QKI: variants seen among roughly 807,000 people sequenced by gnomAD.
The protein encoded by QKI is KH domain-containing RNA-binding protein QKI.
A neutral mutation model predicts 39.0 loss-of-function variants in QKI; 10 were observed. The observed-to-expected ratio is 0.26, with a 90% CI of 0.16 to 0.43. The LOEUF (loss-of-function observed/expected upper bound fraction) is 0.43. QKI is among the 20% of genes least tolerant of loss of function. QKI has a pLI of 1.00. For synonymous variants in QKI, 204 were observed against 155.4 expected (o/e 1.31, Z -2.33); for missense variants, 218 against 428.0 (o/e 0.51, Z 4.33).
intron 1 of QKI, among the ~76,000 whole-genome samples, chr6:163,432,398 C>CCT (rs1554257935): frequency 5.6e-5 from 8 of 143,982 alleles, no homozygotes; most frequent in South Asian, 4.4e-4. Context: ...AATCCCCCCC[C>CCT]TTTTTTTTTT....
intron 1 of QKI, among the ~76,000 whole-genome samples, chr6:163,444,791 G>A (rs963740635): frequency 2.0e-5 from 3 of 152,014 alleles, no homozygotes; most frequent in African/African-American, 7.2e-5. Flanking sequence ...CATTTTGAGT[G>A]ATTTTTTTCC....
chr6:163,465,955 C>G (rs1373402712), intron 2 of QKI, among the ~76,000 whole-genome samples: 1 of 151,636 alleles, frequency 6.6e-6, no homozygotes, highest in African/African-American at 2.4e-5. Context: ...GAAACCCTGT[C>G]TCTACAAAAA....
intron 3 of QKI, among the ~76,000 whole-genome samples, chr6:163,508,520 CTTTCTTTCTTTCTTTTT>C (rs767831632): frequency 7.2e-5 from 10 of 139,326 alleles, no homozygotes; most frequent in East Asian, 2.1e-4. Flanking sequence ...TTCTTTCTTT[CTTTCTTTCTTTCTTTTT>C]TTTTTTTTTA....
chr6:163,416,653 G>A (rs1032153444), intron 1 of QKI, among the ~76,000 whole-genome samples: 1 of 152,184 alleles, frequency 6.6e-6, no homozygotes, highest in East Asian at 1.9e-4. Context: ...AATCCCAGGA[G>A]TTCTGTTGTC....
Position 163,553,882 on chromosome 6 carries a change from T to A in QKI, c.547-8100T>A, listed in dbSNP as rs183899784. Among the ~76,000 whole-genome samples, 1,113 of 152,306 alleles carry A rather than the reference T, an allele frequency of 7.3e-3. 12 individuals carry two copies. Among genetic ancestry groups the A allele is most frequent in the African/African-American group, 0.026 (1,065 of 41,564 alleles). ...TGTGTTTGAGTGTTTTAAGCTTTTC[T>A]GGTTAAATAAAGTGCCTGACACTTT... On this transcript the variant is annotated intron_variant, in intron 4 of 7. Coordinates refer to ENST00000361752, the MANE Select transcript of QKI (RefSeq NM_006775.3).
chr6:163,477,014 TGTTTTG>T (rs1562470434), intron 2 of QKI, among the ~76,000 whole-genome samples: 1 of 74,290 alleles, frequency 1.3e-5, no homozygotes, highest in Non-Finnish European at 2.3e-5. Context: ...TGTTTTGTTT[TGTTTTG>T]TTTTTTTTTT....
At chr6:163,483,950 C>T (rs1270971943) in intron 3 of QKI, among the ~76,000 whole-genome samples, 1 of 152,176 alleles carries the variant, frequency 6.6e-6, no homozygotes, top group African/African-American at 2.4e-5. Flanking sequence ...CTAAATTACT[C>T]CTTGATCCAT....
chr6:163,566,675 T>C (rs767144202), intron 6 of QKI, 46 bp from the exon 7 acceptor site: 30 of 1,605,534 alleles, frequency 1.9e-5, no homozygotes, highest in Non-Finnish European at 2.5e-5. Context: ...TTTTCCCCCC[T>C]TGTGAATGTT....
At chr6:163,476,277 G>GT (rs778589025) in intron 2 of QKI, among the ~76,000 whole-genome samples, 9,362 of 136,552 alleles carry the variant, frequency 0.069, 884 homozygotes, top group African/African-American at 0.22. Flanking sequence ...ATGTACTAAA[G>GT]TTTTTTTTTT....
At chr6:163,548,480 T>A (rs1782027075) in intron 4 of QKI, among the ~76,000 whole-genome samples, 1 of 152,226 alleles carries the variant, frequency 6.6e-6, no homozygotes, top group Non-Finnish European at 1.5e-5. Flanking sequence ...TATATATGTG[T>A]GATGGTCATA....
At chr6:163,512,012 A>G (rs1779513580) in intron 3 of QKI, among the ~76,000 whole-genome samples, 3 of 152,090 alleles carry the variant, frequency 2.0e-5, no homozygotes, top group African/African-American at 4.8e-5. Flanking sequence ...CAAGAGAGGT[A>G]TATTTTGAGA....
chr6:163,468,004 A>G (rs1477907626), intron 2 of QKI, among the ~76,000 whole-genome samples: 1 of 152,200 alleles, frequency 6.6e-6, no homozygotes, highest in Non-Finnish European at 1.5e-5. Flanking sequence ...TTTTTAATTA[A>G]AAACAGTTGT....
At chr6:163,544,676 A>ATGGTC (rs1781758209) in intron 4 of QKI, among the ~76,000 whole-genome samples, 1 of 152,070 alleles carries the variant, frequency 6.6e-6, no homozygotes. Flanking sequence ...CAAAATAAAC[A>ATGGTC]TGGTCTTTTT....
intron 3 of QKI, among the ~76,000 whole-genome samples, chr6:163,480,635 G>A (rs1793006839): frequency 6.6e-6 from 1 of 152,090 alleles, no homozygotes; most frequent in African/African-American, 2.4e-5. Context: ...TTCTCCTTGA[G>A]CAATTTTAGA....
At chr6:163,530,953 A>G (rs563389876) in intron 3 of QKI, among the ~76,000 whole-genome samples, 1 of 152,142 alleles carries the variant, frequency 6.6e-6, no homozygotes, top group Non-Finnish European at 1.5e-5. Context: ...TTATATTGGT[A>G]GTTGGACATC....
chr6:163,419,274 T>C (rs956079325), intron 1 of QKI, among the ~76,000 whole-genome samples: 9 of 151,420 alleles, frequency 5.9e-5, no homozygotes, highest in African/African-American at 1.5e-4. Context: ...GCCTCTGTTA[T>C]TGGATGTATC....
intron 2 of QKI, among the ~76,000 whole-genome samples, chr6:163,477,561 G>A (rs1022666664): frequency 4.6e-5 from 7 of 152,156 alleles, no homozygotes; most frequent in African/African-American, 1.7e-4. Context: ...GCAAAGATAA[G>A]GGACTTTATC....
intron 1 of QKI, among the ~76,000 whole-genome samples, chr6:163,418,006 G>C (rs1309982010): frequency 1.3e-5 from 2 of 151,272 alleles, no homozygotes; most frequent in Non-Finnish European, 2.9e-5. Context: ...ATTTAATTGT[G>C]AAATTTGGCA....
At chr6:163,482,495 A>T (rs1441021601) in intron 3 of QKI, among the ~76,000 whole-genome samples, 1 of 152,060 alleles carries the variant, frequency 6.6e-6, no homozygotes, top group Non-Finnish European at 1.5e-5. Flanking sequence ...GACTGTCTCC[A>T]CTTCAGATGC....
Sources: gnomAD v4.1 joint callset for allele counts (sites outside exome capture counted in the v4.1 genomes callset) on GRCh38, gnomAD v4.1.1 for gene constraint, MANE v1.5 for transcripts, NCBI Gene and HGNC (gene_info 2026-07-23, HGNC 2026-07-21) for gene names.